PCNX1: variants seen among roughly 807,000 people sequenced by gnomAD.
PCNX1 encodes pecanex 1.
In PCNX1, 78 loss-of-function variants were observed where a neutral mutation model predicts 242.2. The observed-to-expected ratio is 0.32, with a 90% CI of 0.27 to 0.39. The LOEUF (loss-of-function observed/expected upper bound fraction) is 0.39. Among genes scored for constraint, PCNX1 ranks in the 10% least tolerant of loss-of-function variants. The pLI is 1.00. For missense variants in PCNX1, 2,581 were observed against 2,856.5 expected, an observed-to-expected ratio of 0.90 and a Z score of 2.20; for synonymous variants, 1,024 against 1,032.9, an observed-to-expected ratio of 0.99 and a Z score of 0.17.
At chr14:71,048,246 T>C (rs2060920593) in intron 22 of PCNX1, among the ~76,000 whole-genome samples, 1 of 152,272 alleles carries the variant, frequency 6.6e-6, no homozygotes, top group East Asian at 1.9e-4. Flanking sequence ...TTTTAAAATA[T>C]ATAGAATCTC....
In PCNX1 at chr14:71,105,257, G is replaced by A. The variant is rs1450070415; in HGVS notation, c.6118G>A (p.Gly2040Arg). Residue 2040 changes from glycine to arginine, a missense_variant, in exon 33 of 36, where the codon GGA (glycine) becomes AGA (arginine). Coordinates refer to ENST00000304743, the MANE Select transcript of PCNX1 (RefSeq NM_014982.3). Reference sequence around the variant, plus strand: ...TAGGCTTAGGAAAGGTTGCGGAGCTGGATGTAACAGTGGTGGCAATATTGA... The same window carrying A: ...TAGGCTTAGGAAAGGTTGCGGAGCTAGATGTAACAGTGGTGGCAATATTGA... Reference protein sequence around the residue: ...WHRLRKGCGAGCNSGGNIEDS... With the variant: ...WHRLRKGCGARCNSGGNIEDS... 1.9e-6 allele frequency: 3 copies of A among 1,613,970 alleles called. No individual in the cohort carries two copies. Among genetic ancestry groups the A allele is most frequent in the Admixed American group, 3.3e-5 (2 of 60,024 alleles).
chr14:71,049,452 T>A (rs2060959033), intron 22 of PCNX1, among the ~76,000 whole-genome samples: 1 of 152,192 alleles, frequency 6.6e-6, no homozygotes, highest in Non-Finnish European at 1.5e-5. Context: ...TAAGAAAAAT[T>A]AAATGTATAC....
chr14:71,035,667 A>G (rs1032714524), intron 18 of PCNX1, among the ~76,000 whole-genome samples: 1 of 150,506 alleles, frequency 6.6e-6, no homozygotes, highest in African/African-American at 2.4e-5. Context: ...GCACTTTGGG[A>G]GGCCAAGATG....
chr14:70,927,368 A>G (rs894010493), intron 1 of PCNX1, among the ~76,000 whole-genome samples: 2 of 152,116 alleles, frequency 1.3e-5, no homozygotes, highest in African/African-American at 2.4e-5. Context: ...CACCTTAAAT[A>G]TAGTATGTTA....
At chr14:70,955,484 T>C (rs2140408836) in intron 2 of PCNX1, among the ~76,000 whole-genome samples, 1 of 152,350 alleles carries the variant, frequency 6.6e-6, no homozygotes, top group East Asian at 1.9e-4. Flanking sequence ...ATGATACTAA[T>C]AATCAACAAA....
At chr14:71,052,132 C>A in intron 24 of PCNX1, 120 bp downstream of exon 24, 2 of 717,772 alleles carry the variant, frequency 2.8e-6, no homozygotes, top group Non-Finnish European at 4.2e-6. Flanking sequence ...TTTATTTTTG[C>A]TAAAACTTAA....
At chr14:70,937,190 G>C (rs1357011690) in intron 1 of PCNX1, among the ~76,000 whole-genome samples, 1 of 152,066 alleles carries the variant, frequency 6.6e-6, no homozygotes, top group East Asian at 1.9e-4. Context: ...TTGGTGTGTT[G>C]GTCATGAAGT....
At chr14:71,078,267 A>G (rs569970296) in intron 28 of PCNX1, among the ~76,000 whole-genome samples, 1 of 152,308 alleles carries the variant, frequency 6.6e-6, no homozygotes, top group African/African-American at 2.4e-5. Context: ...CTTGCATGCT[A>G]TTCCCTGAAT....
rs535247113 is a variant in PCNX1 at position 71,008,415 on chromosome 14, G to A, written c.2630-1219G>A. On this transcript the variant is annotated intron_variant, in intron 8 of 35. Coordinates refer to ENST00000304743, the MANE Select transcript of PCNX1 (RefSeq NM_014982.3). The stretch of plus-strand genomic sequence containing the variant: ...CTCACGCCTGTAATCCTAGTACTTT[G>A]GGAGGCTGAGGCAGGTGGATCATGA... Among the ~76,000 whole-genome samples the A allele has an allele frequency of 4.6e-5, 7 of 152,122 alleles. No homozygotes were observed. In the South Asian group the frequency reaches 1.0e-3, roughly 23 times the overall value.
In PCNX1 at chr14:71,047,117, AGTC is replaced by A; in HGVS notation, c.4160+13_4160+15del. 1 of 1,528,696 alleles carries A rather than the reference AGTC, an allele frequency of 6.5e-7. No homozygotes were observed. The highest frequency in any genetic ancestry group is 1.2e-5 in the South Asian group (1 of 80,926). 94.7% of individuals were successfully genotyped at this position (1,528,696 alleles called of 1,614,324 possible). A position where few individuals can be genotyped will look rare whatever the true frequency, so the allele number is the denominator to read the frequency against. On this transcript the variant is annotated intron_variant, in intron 21 of 35. Coordinates refer to ENST00000304743, the MANE Select transcript of PCNX1 (RefSeq NM_014982.3). ...AAACTGAATACAGAGTAAGTATAGTAGTCTTCTAATATTGTCTGACTACTGGGG... is the reference window on the plus strand; with the variant it reads ...AAACTGAATACAGAGTAAGTATAGTATTCTAATATTGTCTGACTACTGGGG...
chr14:71,094,127 T>C (rs534784261), intron 30 of PCNX1, among the ~76,000 whole-genome samples: 1 of 152,298 alleles, frequency 6.6e-6, no homozygotes, highest in South Asian at 2.1e-4. Flanking sequence ...TAAACACAAA[T>C]GTTTACAGTG....
At chr14:70,935,747 T>A (rs1566586565) in intron 1 of PCNX1, among the ~76,000 whole-genome samples, 1 of 152,216 alleles carries the variant, frequency 6.6e-6, no homozygotes, top group Non-Finnish European at 1.5e-5. Context: ...TTTTGACATT[T>A]TACATTTGAA....
intron 26 of PCNX1, among the ~76,000 whole-genome samples, chr14:71,067,278 C>T (rs2061471545): frequency 6.6e-6 from 1 of 152,070 alleles, no homozygotes; most frequent in South Asian, 2.1e-4. Flanking sequence ...TAATTACTGC[C>T]TCAATTTCAG....
At chr14:71,008,382 C>T (rs570025461) in intron 8 of PCNX1, among the ~76,000 whole-genome samples, 4 of 152,168 alleles carry the variant, frequency 2.6e-5, no homozygotes, top group African/African-American at 7.2e-5. Context: ...TTTGGCCGGG[C>T]GCAGTGGCTC....
Position 71,045,141 on chromosome 14 carries a change from C to G in PCNX1, c.3876C>G (p.Leu1292=). ...TCTATTATTTTTTTTAGCCTGCCCT[C>G]AAGTATGTGTTGTATACATTGGTTG... The part of the protein sequence containing the change: ...STVFTVLQPA[L]KYVLYTLVGF... The change falls in exon 20 of 36, where the codon CTC becomes CTG. Residue 1292 remains leucine (L), a synonymous_variant. Coordinates refer to ENST00000304743, the MANE Select transcript of PCNX1 (RefSeq NM_014982.3). 6.3e-7 allele frequency: 1 copy of G among 1,587,418 alleles called. No homozygotes were observed. Among genetic ancestry groups the G allele is most frequent in the Non-Finnish European group, 8.5e-7 (1 of 1,170,910 alleles).
chr14:70,926,488 G>A (rs975722335), intron 1 of PCNX1, among the ~76,000 whole-genome samples: 5 of 152,110 alleles, frequency 3.3e-5, no homozygotes, highest in African/African-American at 1.2e-4. Context: ...GCTGCCAATT[G>A]GCTGCATGTT....
At chr14:71,109,184 A>G (rs118189786) in intron 34 of PCNX1, 138 bp downstream of exon 34, 2 of 902,704 alleles carry the variant, frequency 2.2e-6, no homozygotes, top group East Asian at 5.3e-5. Context: ...TGTTGGGGAA[A>G]AATTTCTTCA....
chr14:71,083,247 G>A lies in PCNX1; in HGVS notation c.5338-5083G>A, dbSNP rs149535120. ...CTGTTAGTCTGATGGGCTTCCCTTT[G>A]TGGGTAATCCGACCTTTCTCTCTGG... On this transcript the variant is annotated intron_variant, in intron 28 of 35. Coordinates refer to ENST00000304743, the MANE Select transcript of PCNX1 (RefSeq NM_014982.3). Among the ~76,000 whole-genome samples, 329 of 152,278 alleles carry A rather than the reference G, an allele frequency of 2.2e-3. 2 individuals carry two copies. The highest frequency in any genetic ancestry group is 7.4e-3 in the African/African-American group (306 of 41,566).
rs759727245 is a variant in PCNX1 at position 70,977,733 on chromosome 14, G to A, written c.1396G>A (p.Glu466Lys). The stretch of plus-strand genomic sequence containing the variant: ...AGCGAGTACCAACAGTGGGGTTCAC[G>A]AGGCCAAGGACCCCACCCCCTCTGA... ...MEASTNSGVH[E>K]AKDPTPSDEM... The change falls in exon 6 of 36, where the codon GAG becomes AAG. Residue 466 changes from glutamate to lysine, a missense_variant. Physicochemically the swap from Glu to Lys is moderately conservative, Grantham distance 56. Around this residue, in one of 9 missense-constraint regions of PCNX1, gnomAD observed 1,204 missense variants for 1,216.7 expected, o/e 0.99. Transcript: ENST00000304743. 1.4e-5 allele frequency: 23 copies of A among 1,613,990 alleles called. No individual in the cohort carries two copies. The East Asian group carries it at 1.6e-4, about 11-fold the overall frequency.
Sources: gnomAD v4.1 joint callset for allele counts (sites outside exome capture counted in the v4.1 genomes callset) on GRCh38, gnomAD v4.1.1 for gene constraint, gnomAD v4.1.1 regional missense constraint, MANE v1.5 for transcripts, NCBI Gene and HGNC (gene_info 2026-07-23, HGNC 2026-07-21) for gene names.